FGF1: variants seen among roughly 807,000 people sequenced by gnomAD.
FGF1 encodes fibroblast growth factor 1, also known as beta-endothelial cell growth factor.
A neutral mutation model predicts 13.4 loss-of-function variants in FGF1; 9 were observed. The observed-to-expected ratio is 0.67, with a 90% CI of 0.40 to 1.17. FGF1 has a LOEUF of 1.17. FGF1 is among the 50% of genes most tolerant of loss of function. FGF1 has a pLI of 0.01. For missense variants in FGF1, 156 were observed against 192.7 expected, an observed-to-expected ratio of 0.81 and a Z score of 1.13; for synonymous variants, 93 against 79.0, an observed-to-expected ratio of 1.18 and a Z score of -0.94.
chr5:142,693,530 T>A (rs1222238117), intron 2 of FGF1, among the ~76,000 whole-genome samples: 4 of 152,176 alleles, frequency 2.6e-5, no homozygotes, highest in African/African-American at 9.7e-5. Context: ...AATGACTTTA[T>A]TGAGATATAC....
chr5:142,656,212 T>G (rs1238862337), intron 1 of FGF1, among the ~76,000 whole-genome samples: 1 of 149,992 alleles, frequency 6.7e-6, no homozygotes, highest in Non-Finnish European at 1.5e-5. Context: ...ATATTGACTC[T>G]AGCCATAGAA....
intron 1 of FGF1, among the ~76,000 whole-genome samples, chr5:142,626,049 T>C (rs1325385854): frequency 1.3e-5 from 2 of 152,224 alleles, no homozygotes; most frequent in African/African-American, 4.8e-5. Flanking sequence ...ATAAAATATG[T>C]CCACAAATAA....
upstream of FGF1, among the ~76,000 whole-genome samples, chr5:142,688,408 T>A (rs2152065440): frequency 6.6e-6 from 1 of 152,334 alleles, no homozygotes; most frequent in African/African-American, 2.4e-5. Flanking sequence ...AGCCCCACTG[T>A]TATTTAGAGT....
chr5:142,664,205 T>C (rs1769845533), intron 1 of FGF1, among the ~76,000 whole-genome samples: 1 of 152,222 alleles, frequency 6.6e-6, no homozygotes, highest in Non-Finnish European at 1.5e-5. Flanking sequence ...TTGTGTTTTC[T>C]GTTTGCCAAG....
At chr5:142,619,738 C>CGGATCACGAGGTA (rs1761122522) in intron 1 of FGF1, among the ~76,000 whole-genome samples, 1 of 151,786 alleles carries the variant, frequency 6.6e-6, no homozygotes, top group Non-Finnish European at 1.5e-5. Context: ...GAGGCTGAGG[C>CGGATCACGAGGTA]AGGAGAATCG....
At chr5:142,637,981 GC>G (rs1764562734) in intron 1 of FGF1, among the ~76,000 whole-genome samples, 1 of 151,986 alleles carries the variant, frequency 6.6e-6, no homozygotes, top group Admixed American at 6.5e-5. Flanking sequence ...ATCTGTGGGG[GC>G]TTCATTCACC....
At chr5:142,640,133 C>T (rs1233931036) in intron 1 of FGF1, among the ~76,000 whole-genome samples, 1 of 151,796 alleles carries the variant, frequency 6.6e-6, no homozygotes, top group African/African-American at 2.4e-5. Context: ...AAAAACAAAC[C>T]AGAGAGAGGA....
At chr5:142,675,306 T>C (rs1772323049) in intron 1 of FGF1, among the ~76,000 whole-genome samples, 1 of 152,088 alleles carries the variant, frequency 6.6e-6, no homozygotes, top group Admixed American at 6.5e-5. Context: ...TGAAAATCCA[T>C]ATTCTGGCCT....
At chr5:142,615,759 T>C (rs1760103213) in intron 1 of FGF1, among the ~76,000 whole-genome samples, 1 of 152,258 alleles carries the variant, frequency 6.6e-6, no homozygotes, top group Admixed American at 6.5e-5. Context: ...TAGTAAGCGA[T>C]GGAGCTGAAT....
At chr5:142,649,410 T>G (rs1766791894) in intron 1 of FGF1, among the ~76,000 whole-genome samples, 1 of 148,248 alleles carries the variant, frequency 6.7e-6, no homozygotes. Context: ...GGGGTGGACA[T>G]TGTTTTTTTT....
At chr5:142,686,438 TG>T (rs1345098378), upstream of FGF1, 1 of 152,320 alleles carries the variant, frequency 6.6e-6, no homozygotes, top group Non-Finnish European at 1.5e-5. Context: ...GCAGCTACCC[TG>T]GGTGTTATTT....
chr5:142,680,032 C>T (rs1047001488), intron 1 of FGF1: 2 of 152,188 alleles, frequency 1.3e-5, no homozygotes, highest in Non-Finnish European at 2.9e-5. Flanking sequence ...AGTAGATGGC[C>T]ATCTTCTTCC....
At position 142,618,921 on chromosome 5, in the gene FGF1, G is replaced by GTTTTTTTT. The variant is rs1343286807; in HGVS notation, c.-34-4761_-34-4760insAAAAAAAA. On this transcript the variant is annotated intron_variant, in intron 1 of 3. Transcript: ENST00000337706. ...GGCAAACACTGACATTTATTTTTTAGTTGTTTTGTTTTTTTTTTTTTTTTT... is the reference window on the plus strand; with the variant it reads ...GGCAAACACTGACATTTATTTTTTAGTTTTTTTTTTGTTTTGTTTTTTTTTTTTTTTTT... Among the ~76,000 whole-genome samples, 45 of 108,368 alleles carry GTTTTTTTT rather than the reference G, an allele frequency of 4.2e-4. 4 individuals carry two copies. The highest frequency in any genetic ancestry group is 1.2e-3 in the African/African-American group (38 of 30,672). The allele number at this position is 108,368 out of a possible 152,430, so 71.1% of individuals were successfully genotyped here. A position where few individuals can be genotyped will look rare whatever the true frequency, so the allele number is the denominator to read the frequency against.
intron 2 of FGF1, among the ~76,000 whole-genome samples, chr5:142,606,218 CTG>C (rs61445131): frequency 1.5e-3 from 215 of 143,142 alleles, no homozygotes; most frequent in African/African-American, 4.1e-3. Flanking sequence ...CTTTCTCTCT[CTG>C]TGTGTGTGTG....
In FGF1 at chr5:142,595,331, T is replaced by C; in HGVS notation, c.427A>G (p.Lys143Glu). The C allele has an allele frequency of 1.2e-6, 2 of 1,614,082 alleles. No homozygotes were observed. Among genetic ancestry groups the C allele is most frequent in the Non-Finnish European group, 1.7e-6 (2 of 1,179,946 alleles). The change falls in exon 4 of 4, where the codon AAA (lysine) becomes GAA (glutamate). Residue 143 changes from lysine to glutamate, a missense_variant. Physicochemically the swap from Lys to Glu is moderately conservative, Grantham distance 56. Coordinates refer to ENST00000337706, the MANE Select transcript of FGF1 (RefSeq NM_000800.5). ...KRGPRTHYGQ[K>E]AILFLPLPVS... ...GGCAGGGGGAGAAACAAGATTGCTTTCTGGCCATAGTGAGTCCGAGGACCG... is the reference window on the plus strand; with the variant it reads ...GGCAGGGGGAGAAACAAGATTGCTTCCTGGCCATAGTGAGTCCGAGGACCG...
At chr5:142,654,971 G>A (rs922526746) in intron 1 of FGF1, among the ~76,000 whole-genome samples, 11 of 152,236 alleles carry the variant, frequency 7.2e-5, no homozygotes, top group African/African-American at 2.7e-4. Flanking sequence ...TCCAAACAGG[G>A]CCGGGCCTCA....
At chr5:142,613,350 A>G (rs1478144059) in intron 2 of FGF1, among the ~76,000 whole-genome samples, 10 of 152,270 alleles carry the variant, frequency 6.6e-5, no homozygotes, top group South Asian at 2.1e-4. Context: ...AGAGATATTC[A>G]GCATTTGGCG....
At chr5:142,656,494 A>G (rs936777423) in intron 1 of FGF1, among the ~76,000 whole-genome samples, 2 of 152,252 alleles carry the variant, frequency 1.3e-5, no homozygotes, top group Admixed American at 1.3e-4. Flanking sequence ...CAAGGAAAAC[A>G]GCATACTTAT....
intron 3 of FGF1, among the ~76,000 whole-genome samples, chr5:142,600,055 T>A (rs552283257): frequency 1.4e-4 from 21 of 152,354 alleles, no homozygotes; most frequent in African/African-American, 4.8e-4. Context: ...GAGACACACC[T>A]ATAGCACGTA....
Sources: allele counts gnomAD v4.1 joint callset (sites outside exome capture counted in the v4.1 genomes callset), GRCh38; gene constraint gnomAD v4.1.1; transcripts MANE v1.5; gene names NCBI Gene and HGNC (gene_info 2026-07-23, HGNC 2026-07-21).